The following NRG1 variants were observed in gnomAD, a reference collection of about 807,000 sequenced individuals.
The protein encoded by NRG1 is pro-neuregulin-1, membrane-bound isoform.
In NRG1, 18 loss-of-function variants were observed where a neutral mutation model predicts 63.8. That is an observed-to-expected ratio of 0.28 (90% CI 0.19 to 0.42). NRG1 has a LOEUF of 0.42. NRG1 is among the 10% of genes least tolerant of loss of function. The probability of loss-of-function intolerance (pLI) is 1.00; values close to 1 mark genes in which losing one functional copy is unlikely to be tolerated. For synonymous variants in NRG1, 302 were observed against 301.3 expected (o/e 1.00, Z -0.02); for missense variants, 762 against 814.7 (o/e 0.94, Z 0.79).
At position 32,582,717 on chromosome 8, in the gene NRG1, T is replaced by C. The variant is rs77571549; in HGVS notation, c.101-13111T>C. Among the ~76,000 whole-genome samples the C allele has an allele frequency of 8.9e-3, 1,352 of 152,308 alleles. 12 individuals are homozygous for C. The highest frequency in any genetic ancestry group is 0.015 in the Non-Finnish European group (1,019 of 68,014). ...ACTTCAAAGCCCAAGTTTTCTCCTT[T>C]GTGTTGTCTCCTGAGTCATTTTCCT... On this transcript the variant is annotated intron_variant, in intron 1 of 11. Coordinates refer to ENST00000356819, the Ensembl canonical transcript of NRG1.
chr8:31,832,249 GT>G (rs5890599), intron 1 of NRG1, among the ~76,000 whole-genome samples: 53,171 of 135,974 alleles, frequency 0.39, 9,702 homozygotes, highest in Non-Finnish European at 0.44. Flanking sequence ...AAATGCTCTA[GT>G]TTTTTTTTTT....
At chr8:32,234,912 T>A (rs79062771) in intron 1 of NRG1, among the ~76,000 whole-genome samples, 2,971 of 152,174 alleles carry the variant, frequency 0.02, 92 homozygotes, top group African/African-American at 0.067. Flanking sequence ...CATAAGAGGT[T>A]TTTATTCAAT....
chr8:32,133,679 A>G (rs1335689028), intron 1 of NRG1, among the ~76,000 whole-genome samples: 1 of 152,156 alleles, frequency 6.6e-6, no homozygotes, highest in Non-Finnish European at 1.5e-5. Flanking sequence ...GAAAAGGCCC[A>G]TGGATTTTAC....
intron 5 of NRG1, chr8:32,721,831 A>G (rs1169370189): frequency 7.3e-7 from 1 of 1,370,036 alleles, no homozygotes; most frequent in Non-Finnish European, 9.4e-7. Flanking sequence ...TAGGTGGCAC[A>G]GCTCTTTCTG....
At chr8:32,470,570 CTGTTA>C (rs1255772477) in intron 1 of NRG1, among the ~76,000 whole-genome samples, 2 of 152,022 alleles carry the variant, frequency 1.3e-5, no homozygotes, top group Non-Finnish European at 2.9e-5. Flanking sequence ...TATTCTTATT[CTGTTA>C]TAAGTACTTC....
At chr8:32,579,027 A>G (rs1364807414) in intron 1 of NRG1, among the ~76,000 whole-genome samples, 5 of 152,148 alleles carry the variant, frequency 3.3e-5, no homozygotes, top group African/African-American at 1.2e-4. Flanking sequence ...TTATCAGCAA[A>G]GACAAAAATA....
intron 1 of NRG1, among the ~76,000 whole-genome samples, chr8:31,959,836 T>TATTC (rs375673114): frequency 0.041 from 4,961 of 122,140 alleles, 132 homozygotes; most frequent in Middle Eastern, 0.065. Flanking sequence ...TTTATTTATT[T>TATTC]ATTATAGAGA....
At chr8:32,406,000 T>C (rs908652167) in intron 1 of NRG1, among the ~76,000 whole-genome samples, 3 of 152,178 alleles carry the variant, frequency 2.0e-5, no homozygotes, top group Non-Finnish European at 4.4e-5. Flanking sequence ...AATCCTAAGA[T>C]AGCTCTTCCG....
At chr8:32,546,264 A>C (rs2129522173), upstream of NRG1, among the ~76,000 whole-genome samples, 1 of 152,224 alleles carries the variant, frequency 6.6e-6, no homozygotes, top group South Asian at 2.1e-4. Context: ...CCTAAACAAA[A>C]GTAGCAGAAT....
chr8:31,913,007 G>T (rs1833074576), intron 1 of NRG1, among the ~76,000 whole-genome samples: 1 of 152,096 alleles, frequency 6.6e-6, no homozygotes, highest in Non-Finnish European at 1.5e-5. Flanking sequence ...ATTAATCTCT[G>T]TAATAAACTC....
intron 1 of NRG1, among the ~76,000 whole-genome samples, chr8:32,270,349 C>T (rs1400843640): frequency 6.6e-6 from 1 of 152,186 alleles, no homozygotes; most frequent in African/African-American, 2.4e-5. Flanking sequence ...TTGTAGATTA[C>T]ATAGAATACA....
intron 3 of NRG1, among the ~76,000 whole-genome samples, chr8:32,613,765 A>G (rs1301382676): frequency 6.6e-6 from 1 of 152,090 alleles, no homozygotes; most frequent in Non-Finnish European, 1.5e-5. Flanking sequence ...GTACCTTTCC[A>G]AAAGTGTTAG....
intron 1 of NRG1, among the ~76,000 whole-genome samples, chr8:32,114,114 A>C (rs1832393573): frequency 6.6e-6 from 1 of 152,232 alleles, no homozygotes; most frequent in East Asian, 1.9e-4. Flanking sequence ...CAAAGCGTTT[A>C]CTTACATTTG....
intron 5 of NRG1, among the ~76,000 whole-genome samples, chr8:32,629,095 T>A (rs543636210): frequency 6.6e-6 from 1 of 152,336 alleles, no homozygotes; most frequent in Admixed American, 6.5e-5. Context: ...ATAGTGCACA[T>A]AACTCTTCTC....
At chr8:32,685,470 C>T (rs762961297) in intron 5 of NRG1, among the ~76,000 whole-genome samples, 80 of 152,134 alleles carry the variant, frequency 5.3e-4, no homozygotes, top group Non-Finnish European at 6.8e-4. Flanking sequence ...CTCCTACCTC[C>T]ACCACCATCA....
intron 1 of NRG1, among the ~76,000 whole-genome samples, chr8:31,814,803 G>A (rs968966650): frequency 1.3e-5 from 2 of 151,552 alleles, no homozygotes. Context: ...AGGCTTATTT[G>A]CATGTGGGTA....
At chr8:32,102,113 C>T (rs1415611666) in intron 1 of NRG1, among the ~76,000 whole-genome samples, 1 of 152,134 alleles carries the variant, frequency 6.6e-6, no homozygotes, top group Non-Finnish European at 1.5e-5. Context: ...CTTTCAAATA[C>T]ACTTTTAACA....
At chr8:32,575,271 T>G (rs551559256) in intron 1 of NRG1, among the ~76,000 whole-genome samples, 120 of 152,192 alleles carry the variant, frequency 7.9e-4, no homozygotes, top group Non-Finnish European at 1.6e-3. Context: ...CTAGGATGCA[T>G]GTTTTAGCTC....
intron 1 of NRG1, among the ~76,000 whole-genome samples, chr8:32,173,335 A>T (rs1465251332): frequency 1.3e-5 from 2 of 152,228 alleles, no homozygotes; most frequent in Non-Finnish European, 2.9e-5. Flanking sequence ...GAGCTCCTGA[A>T]GGAAGCATTA....
Sources: allele counts gnomAD v4.1 joint callset (sites outside exome capture counted in the v4.1 genomes callset), GRCh38; gene constraint gnomAD v4.1.1; transcripts MANE v1.5; gene names NCBI Gene and HGNC (gene_info 2026-07-23, HGNC 2026-07-21).